The following CSMD1 variants were observed in gnomAD, a reference collection of about 807,000 sequenced individuals.
The protein encoded by CSMD1 is CUB and Sushi multiple domains 1.
Under a neutral mutation model 417.5 loss-of-function variants are expected in CSMD1, and 213 were observed. The observed-to-expected ratio is 0.51, with a 90% CI of 0.46 to 0.57. The LOEUF (loss-of-function observed/expected upper bound fraction) is 0.57, where lower values mean the gene tolerates loss of function less well. Ranked by LOEUF, CSMD1 falls within the 20% of genes least tolerant of loss-of-function variation. CSMD1 has a pLI of 0.00. For synonymous variants in CSMD1, 2,862 were observed against 1,736.8 expected (o/e 1.65, Z -16.11); for missense variants, 6,923 against 4,529.7 (o/e 1.53, Z -15.17).
chr8:4,658,964 T>C (rs1804413998), intron 1 of CSMD1, among the ~76,000 whole-genome samples: 1 of 152,168 alleles, frequency 6.6e-6, no homozygotes, highest in Non-Finnish European at 1.5e-5. Context: ...TGAATTGTAA[T>C]GTCTGTGGTA....
At chr8:4,064,060 A>C (rs548085861) in intron 3 of CSMD1, among the ~76,000 whole-genome samples, 2 of 152,306 alleles carry the variant, frequency 1.3e-5, no homozygotes, top group African/African-American at 4.8e-5. Context: ...GCTCCTGAGA[A>C]GTGCGCAGTG....
At chr8:4,772,273 G>A (rs35109252) in intron 1 of CSMD1, among the ~76,000 whole-genome samples, 53,527 of 151,978 alleles carry the variant, frequency 0.35, 9,960 homozygotes, top group Admixed American at 0.48. Context: ...CAGCAACAGT[G>A]AACCAGTCCT....
intron 2 of CSMD1, among the ~76,000 whole-genome samples, chr8:4,569,959 G>C (rs1442857555): frequency 6.6e-6 from 1 of 152,154 alleles, no homozygotes; most frequent in Non-Finnish European, 1.5e-5. Flanking sequence ...TGGTGTATAG[G>C]AATGCTTGTG....
chr8:3,292,408 T>C (rs1803646697), intron 25 of CSMD1, among the ~76,000 whole-genome samples: 1 of 152,194 alleles, frequency 6.6e-6, no homozygotes, highest in South Asian at 2.1e-4. Flanking sequence ...CGTTGATCTG[T>C]CTAATGTTGA....
chr8:3,989,052 G>C (rs1428938670), intron 5 of CSMD1, among the ~76,000 whole-genome samples: 1 of 152,146 alleles, frequency 6.6e-6, no homozygotes, highest in Non-Finnish European at 1.5e-5. Flanking sequence ...CTTTTTCATT[G>C]TAGGGCAGAA....
At chr8:4,259,481 T>C (rs1024962860) in intron 3 of CSMD1, among the ~76,000 whole-genome samples, 9 of 152,246 alleles carry the variant, frequency 5.9e-5, no homozygotes, top group Non-Finnish European at 7.4e-5. Context: ...AAAATTAAAT[T>C]TTCATACATA....
At chr8:3,331,885 C>T (rs779667600) in intron 23 of CSMD1, among the ~76,000 whole-genome samples, 23 of 152,158 alleles carry the variant, frequency 1.5e-4, no homozygotes, top group Admixed American at 2.0e-4. Context: ...GTAGAGTGTC[C>T]TGTCCTCCAG....
chr8:3,141,921 C>T (rs889448571), intron 41 of CSMD1, among the ~76,000 whole-genome samples: 1 of 151,890 alleles, frequency 6.6e-6, no homozygotes, highest in Non-Finnish European at 1.5e-5. Flanking sequence ...CCTCAGCCTC[C>T]CGAGTAGCTG....
chr8:4,202,932 G>A (rs1295705995), intron 3 of CSMD1, among the ~76,000 whole-genome samples: 1 of 152,104 alleles, frequency 6.6e-6, no homozygotes, highest in Non-Finnish European at 1.5e-5. Flanking sequence ...GAGAGATGTT[G>A]GCCTTATCTC....
intron 3 of CSMD1, among the ~76,000 whole-genome samples, chr8:4,243,621 A>C (rs951479944): frequency 3.9e-5 from 6 of 152,266 alleles, no homozygotes; most frequent in Admixed American, 3.3e-4. Context: ...TAACCACCGA[A>C]AACACAGAAA....
chr8:4,272,641 G>C (rs1804678784), intron 3 of CSMD1, among the ~76,000 whole-genome samples: 1 of 152,104 alleles, frequency 6.6e-6, no homozygotes, highest in Admixed American at 6.6e-5. Context: ...AGAAATAATT[G>C]CATTCTTCCT....
intron 2 of CSMD1, among the ~76,000 whole-genome samples, chr8:4,510,142 C>T (rs1402079028): frequency 6.6e-6 from 1 of 151,916 alleles, no homozygotes; most frequent in Non-Finnish European, 1.5e-5. Flanking sequence ...TTCACACGCT[C>T]CCTTTGCCTG....
chr8:4,047,140 G>A (rs187638196), intron 3 of CSMD1, among the ~76,000 whole-genome samples: 5 of 152,270 alleles, frequency 3.3e-5, no homozygotes, highest in Admixed American at 2.6e-4. Context: ...AAGCAGAGCA[G>A]CCTGCAACGG....
intron 5 of CSMD1, among the ~76,000 whole-genome samples, chr8:3,964,717 C>G (rs1231412542): frequency 6.6e-6 from 1 of 152,158 alleles, no homozygotes; most frequent in Non-Finnish European, 1.5e-5. Context: ...CTTCAAAATC[C>G]ATTGCAATGT....
intron 52 of CSMD1, among the ~76,000 whole-genome samples, chr8:3,011,242 T>C (rs1808360288): frequency 6.6e-6 from 1 of 152,170 alleles, no homozygotes; most frequent in African/African-American, 2.4e-5. Flanking sequence ...GACAATGCAT[T>C]TGGAAAATCT....
chr8:3,348,027 G>C lies in CSMD1; in HGVS notation c.3439C>G (p.Arg1147Gly), dbSNP rs1402985034. 3 of 1,606,932 alleles carry C rather than the reference G, an allele frequency of 1.9e-6. No homozygotes were observed. Among genetic ancestry groups the C allele is most frequent in the Non-Finnish European group, 2.5e-6 (3 of 1,176,568 alleles). The change falls in exon 22 of 70, where the codon CGA (arginine) becomes GGA (glycine). Residue 1147 changes from arginine (R) to glycine (G), a missense_variant. Coordinates refer to ENST00000635120, the MANE Select transcript of CSMD1 (RefSeq NM_033225.6). ...TCTCCTTCAAACAGCTGGAAGCTTC[G>C]TGTTCTAAGGTGGATGCCCTTGCCG... The part of the protein sequence containing the change: ...EAGKGIHLRT[R>G]SFQLFEGDTL...
Position 4,254,589 on chromosome 8 carries a change from C to G in CSMD1, c.415+165364G>C, listed in dbSNP as rs186742159. On this transcript the variant is annotated intron_variant, in intron 3 of 69. Transcript: ENST00000635120. Reference sequence around the variant, plus strand: ...TGTCCTAAGCCTTCACATTCACTCACCACTCACTTGCTGACTCACCCTGGA... The same window carrying G: ...TGTCCTAAGCCTTCACATTCACTCAGCACTCACTTGCTGACTCACCCTGGA... Among the ~76,000 whole-genome samples, 261 of 152,302 alleles carry G rather than the reference C, an allele frequency of 1.7e-3. 1 individual carries two copies. The highest frequency in any genetic ancestry group is 1.3e-3 in the Non-Finnish European group (90 of 68,016).
At chr8:3,292,242 T>G (rs1584941998) in intron 25 of CSMD1, among the ~76,000 whole-genome samples, 1 of 152,218 alleles carries the variant, frequency 6.6e-6, no homozygotes, top group African/African-American at 2.4e-5. Flanking sequence ...GTGCTTTACT[T>G]CCAACTATGT....
chr8:3,759,113 T>A lies in CSMD1; in HGVS notation c.819-5071A>T, dbSNP rs143478612. 6.8e-3 allele frequency among the ~76,000 whole-genome samples: 1,034 copies of A among 152,338 alleles called. 40 individuals are homozygous for A. Among genetic ancestry groups the A allele is most frequent in the Admixed American group, 0.055 (847 of 15,308 alleles). On this transcript the variant is annotated intron_variant, in intron 5 of 69. Coordinates refer to ENST00000635120, the MANE Select transcript of CSMD1 (RefSeq NM_033225.6). ...AGATTTCTAATCTATTTACTGAACATAATAAACACGTGTTGGTTTAAGTCA... is the reference window on the plus strand; with the variant it reads ...AGATTTCTAATCTATTTACTGAACAAAATAAACACGTGTTGGTTTAAGTCA...
Sources: gnomAD v4.1 joint callset for allele counts (sites outside exome capture counted in the v4.1 genomes callset) on GRCh38, gnomAD v4.1.1 for gene constraint, MANE v1.5 for transcripts, NCBI Gene and HGNC (gene_info 2026-07-23, HGNC 2026-07-21) for gene names.